Variants in ARID1A observed in about 807,000 individuals in gnomAD.
ARID1A encodes AT-rich interactive domain-containing protein 1A.
ARID1A carries 20 observed loss-of-function variants against 212.6 expected under a neutral mutation model. The observed-to-expected ratio is 0.09, with a 90% CI of 0.07 to 0.14. The LOEUF (loss-of-function observed/expected upper bound fraction) is 0.14. ARID1A is among the 10% of genes least tolerant of loss of function. The pLI is 1.00. For missense variants in ARID1A, 2,587 were observed against 3,059.0 expected (o/e 0.85, Z 3.64); for synonymous variants, 1,376 against 1,222.1 (o/e 1.13, Z -2.63).
intron 1 of ARID1A, among the ~76,000 whole-genome samples, chr1:26,709,234 A>G (rs942193365): frequency 1.4e-4 from 22 of 152,194 alleles, no homozygotes; most frequent in Admixed American, 3.9e-4. Flanking sequence ...ATCAAATACA[A>G]TTCTAACATG....
At chr1:26,717,099 C>T (rs1364321328) in intron 1 of ARID1A, among the ~76,000 whole-genome samples, 1 of 152,220 alleles carries the variant, frequency 6.6e-6, no homozygotes. Context: ...ATACTACTGG[C>T]TGTACTGTCA....
chr1:26,767,796 A>G lies in ARID1A; in HGVS notation c.2995A>G (p.Ser999Gly), dbSNP rs2124085884. The change falls in exon 11 of 20, where the codon AGT (serine) becomes GGT (glycine). Residue 999 changes from serine to glycine, a missense_variant. By Grantham distance (56) the Ser-to-Gly change is moderately conservative. Coordinates refer to ENST00000324856, the MANE Select transcript of ARID1A (RefSeq NM_006015.6). ...PKTESKSKKS[S>G]SSTTTNEKIT... ...TTTGACCTGAACCTTCCAGAAATCC[A>G]GTTCTTCTACTACAACCAATGAGAA... 6.2e-7 allele frequency: 1 copy of G among 1,612,912 alleles called. No individual in the cohort carries two copies. Among genetic ancestry groups the G allele is most frequent in the South Asian group, 1.1e-5 (1 of 90,980 alleles).
intron 4 of ARID1A, among the ~76,000 whole-genome samples, chr1:26,747,875 A>G (rs188665330): frequency 7.2e-5 from 11 of 152,242 alleles, no homozygotes; most frequent in African/African-American, 2.2e-4. Context: ...ATATAGGTCA[A>G]TGTTCAGAGG....
rs2124106712 is a variant in ARID1A at position 26,772,837 on chromosome 1, G to A, written c.3565G>A (p.Asp1189Asn). The change falls in exon 14 of 20, where the codon GAT (aspartate) becomes AAT (asparagine). Residue 1189 changes from aspartate (D) to asparagine (N), a missense_variant. Asp to Asn is a conservative substitution (Grantham distance 23). Around this residue, in one of 11 missense-constraint regions of ARID1A, gnomAD observed 890 missense variants for 1,098.2 expected, o/e 0.81. Transcript: ENST00000324856. ...MSRSNSVGIQ[D>N]AFNDGSDSTF... ...CAGGAGCAATTCAGTTGGGATCCAG[G>A]ATGCCTTTAATGATGGAAGTGACTC... is the stretch of plus-strand genomic sequence containing the variant. 6.2e-7 allele frequency: 1 copy of A among 1,614,100 alleles called. No homozygotes were observed. The highest frequency in any genetic ancestry group is 8.5e-7 in the Non-Finnish European group (1 of 1,179,988).
intron 8 of ARID1A, chr1:26,765,600 C>T (rs932959506): frequency 2.0e-5 from 3 of 152,114 alleles, no homozygotes; most frequent in Non-Finnish European, 4.4e-5. Context: ...CTCGGTGGCT[C>T]ATGCCTGTAA....
chr1:26,719,890 G>A (rs1326950903), intron 1 of ARID1A, among the ~76,000 whole-genome samples: 9 of 146,020 alleles, frequency 6.2e-5, no homozygotes, highest in East Asian at 2.0e-4. Context: ...GCAATGAGCC[G>A]AGATCGCGCC....
In ARID1A at chr1:26,696,247, G is replaced by T; in HGVS notation, c.-157G>T. 1 of 962,468 alleles carries T rather than the reference G, an allele frequency of 1.0e-6. No homozygotes were observed. Among genetic ancestry groups the T allele is most frequent in the Non-Finnish European group, 1.3e-6 (1 of 758,758 alleles). 59.6% of individuals were successfully genotyped at this position (962,468 alleles called of 1,614,324 possible). A position where few individuals can be genotyped will look rare whatever the true frequency, so the allele number is the denominator to read the frequency against. On this transcript the variant is annotated 5_prime_UTR_variant, in exon 1 of 20. Transcript: ENST00000324856. ...CGGAGCCTGAGCCGGCGGGGCGGGG[G>T]GGAGAGGAGCGAGCGCAGCGCAGCA...
chr1:26,759,201 GTGTT>G (rs1010278743), intron 4 of ARID1A, among the ~76,000 whole-genome samples: 20 of 152,126 alleles, frequency 1.3e-4, no homozygotes, highest in African/African-American at 2.4e-4. Flanking sequence ...TTGTTTTTGT[GTGTT>G]TGTTTGTTTG....
intron 8 of ARID1A, 31 bp downstream of exon 8, chr1:26,763,316 T>G: frequency 6.5e-7 from 1 of 1,549,194 alleles, no homozygotes; most frequent in Non-Finnish European, 8.7e-7. Flanking sequence ...AGGGTGTCAG[T>G]GCAAGAAAAT....
At chr1:26,761,291 C>T in intron 5 of ARID1A, 93 bp from the exon 6 acceptor site, 1 of 1,520,384 alleles carries the variant, frequency 6.6e-7, no homozygotes, top group Non-Finnish European at 9.0e-7. Flanking sequence ...TACTTGGCCT[C>T]TTCATGAGCC....
chr1:26,698,258 A>G (rs2080298505), intron 1 of ARID1A, among the ~76,000 whole-genome samples: 2 of 152,218 alleles, frequency 1.3e-5, no homozygotes, highest in South Asian at 4.1e-4. Context: ...AGTTGGTCTT[A>G]GGTTGACATC....
Position 26,763,753 on chromosome 1 carries a change from A to C in ARID1A, c.2732+468A>C, listed in dbSNP as rs559783982. Among the ~76,000 whole-genome samples, 5 of 152,270 alleles carry C rather than the reference A, an allele frequency of 3.3e-5. 1 individual carries two copies. The East Asian group carries it at 9.7e-4, about 29-fold the overall frequency. ...CACCACACTCCAGCCTGGGCGACAG[A>C]GCGAGACTGTCGAAAAAAGGGGTTT... On this transcript the variant is annotated intron_variant, in intron 8 of 19. Transcript: ENST00000324856.
intron 19 of ARID1A, 85 bp from the exon 20 acceptor site, chr1:26,778,938 G>A: frequency 7.4e-7 from 1 of 1,342,934 alleles, no homozygotes; most frequent in East Asian, 2.4e-5. Flanking sequence ...TGATACAGAA[G>A]ACTTGGGGAG....
At position 26,761,486 on chromosome 1, in the gene ARID1A, G is replaced by T. The variant is rs765549941; in HGVS notation, c.2251+13G>T. ...GCCCAAGATCGAGGTGAGAGCCTGG[G>T]TGTTGGGGAGGGGCAGGGAGCTAGG... On this transcript the variant is annotated intron_variant, in intron 6 of 19. Transcript: ENST00000324856. The T allele has an allele frequency of 3.1e-6, 5 of 1,613,844 alleles. No individual in the cohort carries two copies. The Admixed American group carries it at 8.3e-5, about 27-fold the overall frequency.
intron 1 of ARID1A, among the ~76,000 whole-genome samples, chr1:26,697,849 G>A (rs2080292042): frequency 6.6e-6 from 1 of 150,914 alleles, no homozygotes; most frequent in East Asian, 2.0e-4. Flanking sequence ...CCTGGCCGGG[G>A]GTGAGGGGGT....
At chr1:26,713,319 A>G (rs1218331189) in intron 1 of ARID1A, among the ~76,000 whole-genome samples, 1 of 152,032 alleles carries the variant, frequency 6.6e-6, no homozygotes, top group Non-Finnish European at 1.5e-5. Flanking sequence ...TGGAGATACA[A>G]CATACACCAG....
rs2080247503 is a variant in ARID1A at position 26,696,127 on chromosome 1, GAGAGCCGGGTCCCGAGCCTAC to G, written c.-267_-247del. 2.1e-6 allele frequency: 1 copy of G among 476,368 alleles called. No homozygotes were observed. 29.5% of individuals were successfully genotyped at this position (476,368 alleles called of 1,614,324 possible). ...CAAGGGCTTGGGGGGAATGAGCCGGGAGAGCCGGGTCCCGAGCCTACAGAGCCGGGAGCAGCTGAGCCGCCG... is the reference window on the plus strand; with the variant it reads ...CAAGGGCTTGGGGGGAATGAGCCGGGAGAGCCGGGAGCAGCTGAGCCGCCG... On this transcript the variant is annotated 5_prime_UTR_variant, in exon 1 of 20. Coordinates refer to ENST00000324856, the MANE Select transcript of ARID1A (RefSeq NM_006015.6).
intron 1 of ARID1A, among the ~76,000 whole-genome samples, chr1:26,728,619 GT>G (rs1212255118): frequency 1.3e-5 from 2 of 152,176 alleles, no homozygotes; most frequent in Non-Finnish European, 2.9e-5. Flanking sequence ...TCATGTGACG[GT>G]TAATGATAGG....
Position 26,696,805 on chromosome 1 carries a change from G to T in ARID1A, c.402G>T (p.Ala134=). Reference sequence around the variant, plus strand: ...GCGGCAGCAGCGATGGGGTGGGGGCGCCTCCTCACTCAGCCGCGGCCGCCT... The same window carrying T: ...GCGGCAGCAGCGATGGGGTGGGGGCTCCTCCTCACTCAGCCGCGGCCGCCT... ...GGGGSSDGVG[A]PPHSAAAALP... Residue 134 remains alanine, a synonymous_variant, in exon 1 of 20, where the codon GCG becomes GCT. Transcript: ENST00000324856. The T allele has an allele frequency of 2.2e-6, 3 of 1,338,644 alleles. No homozygotes were observed. The highest frequency in any genetic ancestry group is 2.0e-5 in the South Asian group (1 of 49,328). The allele number at this position is 1,338,644 out of a possible 1,614,324, so 82.9% of individuals were successfully genotyped here. A position where few individuals can be genotyped will look rare whatever the true frequency, so the allele number is the denominator to read the frequency against.
Sources: gnomAD v4.1 joint callset for allele counts (sites outside exome capture counted in the v4.1 genomes callset) on GRCh38, gnomAD v4.1.1 for gene constraint, gnomAD v4.1.1 regional missense constraint, MANE v1.5 for transcripts, NCBI Gene and HGNC (gene_info 2026-07-23, HGNC 2026-07-21) for gene names.